Variants in CDH12 observed in about 807,000 individuals in gnomAD.
CDH12 encodes cadherin-12.
Under a neutral mutation model 74.1 loss-of-function variants are expected in CDH12, and 41 were observed. That is an observed-to-expected ratio of 0.55 (90% CI 0.43 to 0.72). The LOEUF (loss-of-function observed/expected upper bound fraction) is 0.72, where lower values mean the gene tolerates loss of function less well. Ranked by LOEUF, CDH12 falls within the 30% of genes least tolerant of loss-of-function variation. The probability of loss-of-function intolerance (pLI) is 0.00; values close to 1 mark genes in which losing one functional copy is unlikely to be tolerated. For synonymous variants in CDH12, 399 were observed against 355.0 expected, an observed-to-expected ratio of 1.12 and a Z score of -1.39; for missense variants, 945 against 977.2, an observed-to-expected ratio of 0.97 and a Z score of 0.44.
At chr5:22,623,662 AGAG>A (rs1738107227) in intron 1 of CDH12, among the ~76,000 whole-genome samples, 1 of 152,234 alleles carries the variant, frequency 6.6e-6, no homozygotes, top group Non-Finnish European at 1.5e-5. Flanking sequence ...ATGAAATAAA[AGAG>A]GACACAAACA....
intron 4 of CDH12, among the ~76,000 whole-genome samples, chr5:22,135,960 A>G (rs1294562193): frequency 2.0e-5 from 3 of 151,902 alleles, no homozygotes; most frequent in Admixed American, 2.0e-4. Context: ...GAATGCCCCA[A>G]TTCAAATAAT....
At chr5:22,419,993 GT>G (rs79494488) in intron 2 of CDH12, among the ~76,000 whole-genome samples, 41,307 of 151,148 alleles carry the variant, frequency 0.27, 5,672 homozygotes, top group East Asian at 0.34. Flanking sequence ...TTTTAATGGG[GT>G]TTTTTTTTGT....
At chr5:22,678,577 C>G (rs1056682514) in intron 1 of CDH12, among the ~76,000 whole-genome samples, 1 of 152,052 alleles carries the variant, frequency 6.6e-6, no homozygotes, top group East Asian at 1.9e-4. Flanking sequence ...AAAATTAAAC[C>G]AGAAAATGTA....
At position 22,078,562 on chromosome 5, in the gene CDH12, C is replaced by T; in HGVS notation, c.115G>A (p.Val39Ile). Residue 39 changes from valine to isoleucine, a missense_variant, in exon 5 of 15, where the codon GTT becomes ATT. By Grantham distance (29) the Val-to-Ile change is conservative. Transcript: ENST00000382254. ...QTLATEPREN[V>I]IHLPGQRSHF... is the part of the protein sequence containing the mutation. ...GACCGTTGTCCTGGCAGATGGATAA[C>T]ATTTTCTCTTGGCTCTGTGGCTAAA... 2 of 1,613,922 alleles carry T rather than the reference C, an allele frequency of 1.2e-6. No homozygotes were observed. Among genetic ancestry groups the T allele is most frequent in the Non-Finnish European group, 1.7e-6 (2 of 1,179,888 alleles).
At chr5:22,400,146 G>A (rs1037790611) in intron 3 of CDH12, among the ~76,000 whole-genome samples, 1 of 152,080 alleles carries the variant, frequency 6.6e-6, no homozygotes, top group Non-Finnish European at 1.5e-5. Flanking sequence ...TGCATTCTTA[G>A]TGAATCACTG....
intron 6 of CDH12, among the ~76,000 whole-genome samples, chr5:21,915,861 T>TGTGTGTGTG (rs1754067947): frequency 6.7e-6 from 1 of 149,442 alleles, no homozygotes; most frequent in African/African-American, 2.5e-5. Context: ...TGTGTGTGTG[T>TGTGTGTGTG]TCATGTATTA....
chr5:22,817,703 A>G (rs995349848), intron 1 of CDH12, among the ~76,000 whole-genome samples: 2 of 152,172 alleles, frequency 1.3e-5, no homozygotes, highest in African/African-American at 2.4e-5. Context: ...TTTCAATATA[A>G]TTCCTTATTT....
chr5:22,499,306 G>A (rs1182816163), intron 2 of CDH12, among the ~76,000 whole-genome samples: 5 of 152,096 alleles, frequency 3.3e-5, no homozygotes, highest in South Asian at 2.1e-4. Context: ...TTATTATGTA[G>A]TCAAGAAAAG....
intron 1 of CDH12, among the ~76,000 whole-genome samples, chr5:22,690,430 T>G (rs269007): frequency 0.61 from 93,426 of 151,934 alleles, 29,121 homozygotes; most frequent in African/African-American, 0.69. Flanking sequence ...AAGGAGCCAA[T>G]GGTATAATTG....
At chr5:22,782,186 G>A (rs1580994944) in intron 1 of CDH12, among the ~76,000 whole-genome samples, 1 of 152,270 alleles carries the variant, frequency 6.6e-6, no homozygotes, top group East Asian at 1.9e-4. Flanking sequence ...GGGACTGTTG[G>A]GAAGACATGA....
rs550221519 is a variant in CDH12, at chr5:22,304,311, C to G, written c.-332-91668G>C. On this transcript the variant is annotated intron_variant, in intron 3 of 14. Coordinates refer to ENST00000382254, the MANE Select transcript of CDH12 (RefSeq NM_004061.5). ...TTTGCCTGTTTCACTAGATATGAGACAACATAGAATTAAGCTCTTTCTATG... is the reference window on the plus strand; with the variant it reads ...TTTGCCTGTTTCACTAGATATGAGAGAACATAGAATTAAGCTCTTTCTATG... 3.4e-4 allele frequency among the ~76,000 whole-genome samples: 51 copies of G among 152,186 alleles called. 1 individual carries two copies. Among genetic ancestry groups the G allele is most frequent in the Non-Finnish European group, 6.6e-4 (45 of 67,998 alleles).
intron 4 of CDH12, among the ~76,000 whole-genome samples, chr5:22,134,847 T>G (rs367720593): frequency 6.6e-6 from 1 of 150,662 alleles, no homozygotes; most frequent in Non-Finnish European, 1.5e-5. Context: ...ATTTCATTAT[T>G]AATTACAGCA....
rs530763948 is a variant in CDH12, at chr5:21,971,239, G to A, written c.526+3852C>T. On this transcript the variant is annotated intron_variant, in intron 6 of 14. Coordinates refer to ENST00000382254, the MANE Select transcript of CDH12 (RefSeq NM_004061.5). Reference sequence around the variant, plus strand: ...TAACTTTCTCAAAGATATTTTAGCCGCATGACACCTAGACAAAATGGTATA... The same window carrying A: ...TAACTTTCTCAAAGATATTTTAGCCACATGACACCTAGACAAAATGGTATA... Among the ~76,000 whole-genome samples the A allele has an allele frequency of 5.3e-5, 8 of 151,930 alleles. No individual in the cohort carries two copies. In the South Asian group the frequency reaches 1.3e-3, roughly 24 times the overall value.
At chr5:21,771,473 A>G (rs985505633) in intron 11 of CDH12, among the ~76,000 whole-genome samples, 1 of 152,178 alleles carries the variant, frequency 6.6e-6, no homozygotes, top group East Asian at 1.9e-4. Flanking sequence ...TTCTTCACCA[A>G]TATACTTCTG....
intron 3 of CDH12, among the ~76,000 whole-genome samples, chr5:22,308,603 T>A (rs1432531557): frequency 1.3e-5 from 2 of 152,194 alleles, no homozygotes; most frequent in Admixed American, 1.3e-4. Context: ...TATGTAAATG[T>A]ACAAATTATG....
At chr5:22,280,729 T>C (rs1306739412) in intron 3 of CDH12, among the ~76,000 whole-genome samples, 3 of 152,048 alleles carry the variant, frequency 2.0e-5, no homozygotes, top group African/African-American at 7.2e-5. Context: ...AGGCAATAAT[T>C]AATAGCTTAC....
chr5:21,962,004 A>G (rs1393147538), intron 6 of CDH12, among the ~76,000 whole-genome samples: 3 of 152,120 alleles, frequency 2.0e-5, no homozygotes, highest in Non-Finnish European at 4.4e-5. Context: ...TCACCAGTTC[A>G]GTGTTACCTT....
intron 3 of CDH12, among the ~76,000 whole-genome samples, chr5:22,366,831 C>G (rs1741053417): frequency 6.6e-6 from 1 of 152,134 alleles, no homozygotes; most frequent in Admixed American, 6.5e-5. Context: ...GAATGGAGTA[C>G]TAATCAGCCC....
intron 3 of CDH12, among the ~76,000 whole-genome samples, chr5:22,258,401 G>C (rs1478584853): frequency 1.3e-5 from 2 of 152,152 alleles, no homozygotes; most frequent in Non-Finnish European, 1.5e-5. Context: ...TAACTCCCGA[G>C]CTATGATCCC....
Sources: allele counts gnomAD v4.1 joint callset (sites outside exome capture counted in the v4.1 genomes callset), GRCh38; gene constraint gnomAD v4.1.1; transcripts MANE v1.5; gene names NCBI Gene and HGNC (gene_info 2026-07-23, HGNC 2026-07-21).